The following FRMD4B variants were observed in gnomAD, a reference collection of about 807,000 sequenced individuals.
FRMD4B encodes FERM domain-containing protein 4B.
A neutral mutation model predicts 141.5 loss-of-function variants in FRMD4B; 74 were observed. That is an observed-to-expected ratio of 0.52 (90% CI 0.43 to 0.63). The LOEUF is 0.63. FRMD4B is among the 30% of genes least tolerant of loss of function. FRMD4B has a pLI of 0.00. For synonymous variants in FRMD4B, 506 were observed against 467.9 expected, an observed-to-expected ratio of 1.08 and a Z score of -1.05; for missense variants, 1,366 against 1,253.4, an observed-to-expected ratio of 1.09 and a Z score of -1.36.
chr3:69,205,077 A>AAAAAAAAAAAAAAG (rs1216411200), intron 11 of FRMD4B, among the ~76,000 whole-genome samples: 1 of 150,618 alleles, frequency 6.6e-6, no homozygotes, highest in African/African-American at 2.5e-5. Context: ...AAAAAAAAGA[A>AAAAAAAAAAAAAAG]AAAGAGAAAA....
At chr3:69,326,206 C>T (rs1323823375) in intron 1 of FRMD4B, among the ~76,000 whole-genome samples, 1 of 151,770 alleles carries the variant, frequency 6.6e-6, no homozygotes, top group Non-Finnish European at 1.5e-5. Flanking sequence ...ATCCTCCCGC[C>T]TCGGCCTCCC....
chr3:69,285,689 C>T (rs1700660355), intron 5 of FRMD4B, among the ~76,000 whole-genome samples: 1 of 151,686 alleles, frequency 6.6e-6, no homozygotes. Flanking sequence ...ACAAAAAATA[C>T]AAAAATTAGC....
At chr3:69,219,682 T>C (rs1290545901) in intron 9 of FRMD4B, among the ~76,000 whole-genome samples, 2 of 151,944 alleles carry the variant, frequency 1.3e-5, no homozygotes, top group African/African-American at 4.8e-5. Context: ...CATAGCTAAA[T>C]GTATGCCATA....
intron 5 of FRMD4B, among the ~76,000 whole-genome samples, chr3:69,266,228 T>G (rs1017935825): frequency 6.7e-5 from 10 of 148,678 alleles, no homozygotes; most frequent in East Asian, 2.0e-4. Flanking sequence ...AGCTCAAAAG[T>G]GGTGAGGACA....
intron 1 of FRMD4B, among the ~76,000 whole-genome samples, chr3:69,363,437 T>C (rs1418132952): frequency 1.3e-5 from 2 of 149,476 alleles, no homozygotes; most frequent in South Asian, 2.1e-4. Context: ...TTGCCCAGGC[T>C]GGGGTGCAGT....
Position 69,196,306 on chromosome 3 carries a change from CCA to C in FRMD4B, c.1181_1182del (p.Leu394ArgfsTer11). On this transcript the variant is annotated frameshift_variant, in exon 14 of 23. Transcript: ENST00000398540. LOFTEE classifies it high-confidence loss of function. ...GCCATGATGAACTGACTTTTCGTCT[CCA>C]GTGTCACCAGCTTGGAGGCCCTTTG... ...GTQRASKLVT[L>X]ETKSQFIMAS... The C allele has an allele frequency of 1.2e-6, 2 of 1,608,648 alleles. No individual in the cohort carries two copies. The highest frequency in any genetic ancestry group is 1.7e-6 in the Non-Finnish European group (2 of 1,176,418).
At chr3:69,404,323 T>C (rs1704617328) in intron 2 of FRMD4B, among the ~76,000 whole-genome samples, 1 of 152,188 alleles carries the variant, frequency 6.6e-6, no homozygotes, top group Non-Finnish European at 1.5e-5. Context: ...ATTAAATAAA[T>C]GCACAGGCTT....
chr3:69,519,337 A>G (rs1183190308), intron 1 of FRMD4B, among the ~76,000 whole-genome samples: 1 of 152,142 alleles, frequency 6.6e-6, no homozygotes, highest in East Asian at 1.9e-4. Flanking sequence ...ACCTCTGTCA[A>G]GAGGGAGTCT....
At chr3:69,469,908 T>A (rs527493462) in intron 1 of FRMD4B, among the ~76,000 whole-genome samples, 2 of 152,314 alleles carry the variant, frequency 1.3e-5, no homozygotes, top group African/African-American at 4.8e-5. Flanking sequence ...CTTGTTTCAA[T>A]TATAATTTCA....
chr3:69,491,970 C>T (rs781193420), intron 1 of FRMD4B, among the ~76,000 whole-genome samples: 4 of 152,208 alleles, frequency 2.6e-5, no homozygotes, highest in Non-Finnish European at 4.4e-5. Context: ...TAAGCCTCCT[C>T]TTCCCCCTCC....
At chr3:69,244,873 A>G (rs779136075) in intron 7 of FRMD4B, among the ~76,000 whole-genome samples, 1 of 152,198 alleles carries the variant, frequency 6.6e-6, no homozygotes, top group Non-Finnish European at 1.5e-5. Flanking sequence ...GAGCAAGACT[A>G]AAAATAAATA....
At position 69,181,150 on chromosome 3, in the gene FRMD4B, T is replaced by C. The variant is rs758920846; in HGVS notation, c.2600A>G (p.His867Arg). The part of the protein sequence containing the change: ...FHEDEVDRVP[H>R]NPYATLRLPR... ...CAGCCGGAGAGTTGCATATGGGTTATGGGGTACCCGGTCGACCTCATCTTC... is the reference window on the plus strand; with the variant it reads ...CAGCCGGAGAGTTGCATATGGGTTACGGGGTACCCGGTCGACCTCATCTTC... Residue 867 changes from histidine to arginine, a missense_variant, in exon 21 of 23, where the codon CAT (histidine) becomes CGT (arginine). By Grantham distance (29) the His-to-Arg change is conservative. Transcript: ENST00000398540. 3 of 1,614,000 alleles carry C rather than the reference T, an allele frequency of 1.9e-6. No homozygotes were observed. Among genetic ancestry groups the C allele is most frequent in the Non-Finnish European group, 1.7e-6 (2 of 1,179,878 alleles).
At chr3:69,369,162 A>T (rs1307038908) in intron 1 of FRMD4B, among the ~76,000 whole-genome samples, 1 of 152,290 alleles carries the variant, frequency 6.6e-6, no homozygotes, top group Non-Finnish European at 1.5e-5. Context: ...AGCGAAAGCT[A>T]TCTTTAGTGA....
At chr3:69,393,502 CA>C (rs1221291326) in intron 2 of FRMD4B, among the ~76,000 whole-genome samples, 4 of 152,212 alleles carry the variant, frequency 2.6e-5, no homozygotes, top group South Asian at 2.1e-4. Flanking sequence ...TCCAGTGGAT[CA>C]GGGGGAAAGG....
At chr3:69,348,648 G>A (rs1349504727) in intron 1 of FRMD4B, among the ~76,000 whole-genome samples, 1 of 152,138 alleles carries the variant, frequency 6.6e-6, no homozygotes, top group Non-Finnish European at 1.5e-5. Flanking sequence ...GATCAAGTGG[G>A]CTTCATCCCC....
intron 1 of FRMD4B, among the ~76,000 whole-genome samples, chr3:69,376,347 T>C (rs1703970426): frequency 6.6e-6 from 1 of 152,120 alleles, no homozygotes; most frequent in South Asian, 2.1e-4. Flanking sequence ...TATTTCTGTA[T>C]ATTGAAATAA....
At chr3:69,520,692 G>A (rs1281507310) in intron 1 of FRMD4B, among the ~76,000 whole-genome samples, 1 of 152,022 alleles carries the variant, frequency 6.6e-6, no homozygotes, top group Non-Finnish European at 1.5e-5. Context: ...ATTCTAAGGT[G>A]CATTTTACAT....
At chr3:69,255,857 G>T (rs2106818795) in intron 5 of FRMD4B, among the ~76,000 whole-genome samples, 1 of 152,280 alleles carries the variant, frequency 6.6e-6, no homozygotes, top group South Asian at 2.1e-4. Flanking sequence ...ATGGAAAGGA[G>T]CTACTTGATG....
chr3:69,230,369 G>A (rs529936559), intron 7 of FRMD4B, among the ~76,000 whole-genome samples: 43 of 152,204 alleles, frequency 2.8e-4, no homozygotes, highest in African/African-American at 1.0e-3. Context: ...GTGTCAATCG[G>A]TACAATCATT....
Sources: gnomAD v4.1 joint callset for allele counts (sites outside exome capture counted in the v4.1 genomes callset) on GRCh38, gnomAD v4.1.1 for gene constraint, MANE v1.5 for transcripts, NCBI Gene and HGNC (gene_info 2026-07-23, HGNC 2026-07-21) for gene names.